Variants in TM9SF3 observed in about 807,000 individuals in gnomAD.
TM9SF3 encodes the protein transmembrane 9 superfamily member 3, also known as SM-11044-binding protein.
In TM9SF3, 14 loss-of-function variants were observed where a neutral mutation model predicts 78.6. The ratio of observed to expected loss-of-function variants is 0.18; its 90% CI spans 0.12 to 0.28. The LOEUF (loss-of-function observed/expected upper bound fraction) is 0.28, where lower values mean the gene tolerates loss of function less well. TM9SF3 is among the 10% of genes least tolerant of loss of function. TM9SF3 has a pLI of 1.00. For missense variants in TM9SF3, 496 were observed against 721.9 expected, an observed-to-expected ratio of 0.69 and a Z score of 3.59; for synonymous variants, 231 against 241.7, an observed-to-expected ratio of 0.96 and a Z score of 0.41.
Position 96,544,113 on chromosome 10 carries a change from T to C in TM9SF3, c.1148A>G (p.Tyr383Cys), listed in dbSNP as rs755945636. The part of the protein sequence containing the change: ...TAFFINFIAI[Y>C]YHASRAIPFG... The stretch of plus-strand genomic sequence containing the variant: ...AGGAATGGCTCTTGAAGCATGGTAA[T>C]AAATGGCTATGAAATTGATGAAGAA... Residue 383 changes from tyrosine to cysteine, a missense_variant, in exon 9 of 15, where the codon TAT becomes TGT. Coordinates refer to ENST00000371142, the MANE Select transcript of TM9SF3 (RefSeq NM_020123.4). 2 of 1,612,984 alleles carry C rather than the reference T, an allele frequency of 1.2e-6. No homozygotes were observed. The highest frequency in any genetic ancestry group is 2.2e-5 in the East Asian group (1 of 44,824).
At chr10:96,532,822 T>G (rs1385999566) in intron 10 of TM9SF3, among the ~76,000 whole-genome samples, 3 of 152,180 alleles carry the variant, frequency 2.0e-5, no homozygotes, top group Non-Finnish European at 2.9e-5. Context: ...AGAAAAGCAT[T>G]TGACTTAACT....
At chr10:96,536,180 T>A (rs919229404) in intron 9 of TM9SF3, among the ~76,000 whole-genome samples, 1 of 120,866 alleles carries the variant, frequency 8.3e-6, no homozygotes, top group South Asian at 3.1e-4. Context: ...ATGAAGGGCA[T>A]CTACAAATAA....
At chr10:96,547,540 T>C (rs1021962020) in intron 8 of TM9SF3, among the ~76,000 whole-genome samples, 2 of 152,232 alleles carry the variant, frequency 1.3e-5, no homozygotes, top group Non-Finnish European at 2.9e-5. Flanking sequence ...ACAATGGCTG[T>C]TCTGCACATT....
intron 14 of TM9SF3, among the ~76,000 whole-genome samples, chr10:96,524,941 G>C (rs1847821159): frequency 6.6e-6 from 1 of 151,890 alleles, no homozygotes. Flanking sequence ...GAACAGCAGG[G>C]AACTGTAAAT....
intron 8 of TM9SF3, among the ~76,000 whole-genome samples, chr10:96,544,579 G>A (rs1848075325): frequency 6.6e-6 from 1 of 152,106 alleles, no homozygotes; most frequent in Admixed American, 6.5e-5. Flanking sequence ...ATTCCTTGGA[G>A]TTCTGGAGCT....
intron 10 of TM9SF3, among the ~76,000 whole-genome samples, chr10:96,531,288 T>C (rs1847890941): frequency 6.6e-6 from 1 of 151,972 alleles, no homozygotes; most frequent in Admixed American, 6.6e-5. Context: ...CAGGAAGAGG[T>C]GGGTCCTTCT....
rs189962888 is a variant in TM9SF3, at chr10:96,520,187, G to C, written c.*2076C>G. 1.3e-5 allele frequency: 2 copies of C among 151,938 alleles called. No homozygotes were observed. The highest frequency in any genetic ancestry group is 4.8e-5 in the African/African-American group (2 of 41,512). The allele number at this position is 151,938 out of a possible 1,614,324, so 9.4% of individuals were successfully genotyped here. On this transcript the variant is annotated 3_prime_UTR_variant, in exon 15 of 15. Transcript: ENST00000371142. ...AAACCAAAAAAGTACTTTATATATA[G>C]TTAAAAGGTTACATAATATAGGCAA... is the stretch of plus-strand genomic sequence containing the variant.
intron 3 of TM9SF3, among the ~76,000 whole-genome samples, chr10:96,563,308 T>G (rs2134151652): frequency 6.6e-6 from 1 of 152,296 alleles, no homozygotes; most frequent in Non-Finnish European, 1.5e-5. Flanking sequence ...ACTCCTGGCC[T>G]TAGCTTCTCA....
intron 14 of TM9SF3, among the ~76,000 whole-genome samples, chr10:96,524,481 G>A (rs1217649773): frequency 6.6e-6 from 1 of 151,718 alleles, no homozygotes; most frequent in African/African-American, 2.4e-5. Flanking sequence ...ACAAAACATT[G>A]TTCCCCTTTG....
Position 96,547,912 on chromosome 10 carries a change from A to T in TM9SF3, c.1037T>A (p.Leu346Gln), listed in dbSNP as rs1169950922. 6.2e-7 allele frequency: 1 copy of T among 1,613,676 alleles called. No individual in the cohort carries two copies. Among genetic ancestry groups the T allele is most frequent in the East Asian group, 2.2e-5 (1 of 44,868 alleles). ...SPVNGYFGGSLYARQGGRRWI... is the reference protein window; with the variant it reads ...SPVNGYFGGSQYARQGGRRWI... ...TAAGTTACCTCCTTGTCTAGCATAC[A>T]GACTTCCTCCAAAATAACCATTCAC... The change falls in exon 8 of 15, where the codon CTG (leucine) becomes CAG (glutamine). Residue 346 changes from leucine to glutamine, a missense_variant. This residue lies in a region of TM9SF3 where 280 missense variants were observed against 422.6 expected (regional missense o/e 0.66). Transcript: ENST00000371142.
At chr10:96,584,285 T>C (rs1477595829) in intron 1 of TM9SF3, among the ~76,000 whole-genome samples, 1 of 152,210 alleles carries the variant, frequency 6.6e-6, no homozygotes, top group South Asian at 2.1e-4. Flanking sequence ...TTCTGCTTCT[T>C]TGACAGAAAA....
At chr10:96,567,246 G>A (rs1206589889) in intron 2 of TM9SF3, among the ~76,000 whole-genome samples, 3 of 151,924 alleles carry the variant, frequency 2.0e-5, no homozygotes, top group Admixed American at 6.6e-5. Context: ...CACCAGGCCC[G>A]ACTAATTTTT....
At chr10:96,558,295 T>C (rs559806696) in intron 5 of TM9SF3, among the ~76,000 whole-genome samples, 6 of 144,708 alleles carry the variant, frequency 4.1e-5, no homozygotes, top group East Asian at 2.0e-4. Flanking sequence ...GAGGTGGGGA[T>C]TGAGGTAGGG....
intron 2 of TM9SF3, among the ~76,000 whole-genome samples, chr10:96,573,132 A>G (rs1848457956): frequency 6.6e-6 from 1 of 152,248 alleles, no homozygotes; most frequent in Admixed American, 6.5e-5. Context: ...AAGAATCTTT[A>G]AAAGTCAAAT....
rs140261237 is a variant in TM9SF3, at chr10:96,547,734, C to T, written c.1054+161G>A. Among the ~76,000 whole-genome samples the T allele has an allele frequency of 6.2e-4, 95 of 152,224 alleles. 1 individual carries two copies. In the East Asian group the frequency reaches 0.017, roughly 27 times the overall value. The stretch of plus-strand genomic sequence containing the variant: ...ACTCAGGAGGCTGAGGCACGAGAAT[C>T]GCTTGAACCCAGGAGGTGGAGACTG... On this transcript the variant is annotated intron_variant, in intron 8 of 14. Transcript: ENST00000371142.
rs1006074051 is a variant in TM9SF3, at chr10:96,533,923, C to A, written c.1186-733G>T. Reference sequence around the variant, plus strand: ...ACTTTTTTTCTTTATAAAATCAGCTCTTTTCCGGCCAACCATCTAATTAAG... The same window carrying A: ...ACTTTTTTTCTTTATAAAATCAGCTATTTTCCGGCCAACCATCTAATTAAG... On this transcript the variant is annotated intron_variant, in intron 9 of 14. Coordinates refer to ENST00000371142, the MANE Select transcript of TM9SF3 (RefSeq NM_020123.4). Among the ~76,000 whole-genome samples, 4 of 152,276 alleles carry A rather than the reference C, an allele frequency of 2.6e-5. No homozygotes were observed. In the South Asian group the frequency reaches 6.2e-4, roughly 24 times the overall value.
At chr10:96,541,059 C>T (rs969733315) in intron 9 of TM9SF3, among the ~76,000 whole-genome samples, 4 of 151,910 alleles carry the variant, frequency 2.6e-5, no homozygotes, top group African/African-American at 9.7e-5. Flanking sequence ...CCACTGCGCC[C>T]GGCCAGTTTT....
chr10:96,586,929 A>G lies in TM9SF3; in HGVS notation c.-94T>C. On this transcript the variant is annotated 5_prime_UTR_variant, in exon 1 of 15. An upstream start codon of the reference 5' UTR is lost. Transcript: ENST00000371142. ...GCCGCCTCCGCCGCGGCCGATTCGC[A>G]TCCACGGGGCGCGGACAGACGCACG... is the stretch of plus-strand genomic sequence containing the variant. The G allele has an allele frequency of 9.8e-7, 1 of 1,022,890 alleles. No homozygotes were observed. The highest frequency in any genetic ancestry group is 1.2e-6 in the Non-Finnish European group (1 of 825,300). 63.4% of individuals were successfully genotyped at this position (1,022,890 alleles called of 1,614,324 possible).
rs563470591 is a variant in TM9SF3, at chr10:96,560,756, T to C, written c.583-1020A>G. ...CTACATGAGATAATCCAGCCAAAAA[T>C]GCACAAAAGTCAAATCAGAATGGAA... On this transcript the variant is annotated intron_variant, in intron 4 of 14. Coordinates refer to ENST00000371142, the MANE Select transcript of TM9SF3 (RefSeq NM_020123.4). The C allele has an allele frequency of 2.9e-4, 166 of 569,866 alleles. 3 individuals are homozygous for C. Among genetic ancestry groups the C allele is most frequent in the South Asian group, 2.3e-3 (162 of 71,732 alleles). 35.3% of individuals were successfully genotyped at this position (569,866 alleles called of 1,614,324 possible).
Sources: allele counts gnomAD v4.1 joint callset (sites outside exome capture counted in the v4.1 genomes callset), GRCh38; gene constraint gnomAD v4.1.1; regional missense constraint gnomAD v4.1.1; transcripts MANE v1.5; gene names NCBI Gene and HGNC (gene_info 2026-07-23, HGNC 2026-07-21).